CHRNA9: variants seen among roughly 807,000 people sequenced by gnomAD.
CHRNA9 encodes cholinergic receptor nicotinic alpha 9 subunit, also known as neuronal acetylcholine receptor subunit alpha-9.
A neutral mutation model predicts 36.8 loss-of-function variants in CHRNA9; 24 were observed. The ratio of observed to expected loss-of-function variants is 0.65; its 90% CI spans 0.47 to 0.92. The LOEUF is 0.92. Ranked by LOEUF, CHRNA9 falls within the 40% of genes least tolerant of loss-of-function variation. The pLI is 0.00. For missense variants in CHRNA9, 610 were observed against 601.2 expected (o/e 1.01, Z -0.15); for synonymous variants, 231 against 231.8 (o/e 1.00, Z 0.03).
In CHRNA9 at chr4:40,354,464, A is replaced by T. The variant is rs1301504546; in HGVS notation, c.1384A>T (p.Ile462Phe). 11 of 1,613,876 alleles carry T rather than the reference A, an allele frequency of 6.8e-6. No homozygotes were observed. Among genetic ancestry groups the T allele is most frequent in the Non-Finnish European group, 9.3e-6 (11 of 1,179,948 alleles). Residue 462 changes from isoleucine (I) to phenylalanine (F), a missense_variant, in exon 5 of 5, where the codon ATT (isoleucine) becomes TTT (phenylalanine). Transcript: ENST00000310169. ...AGTCATAGACCGATTCTTCATGTGG[A>T]TTTTTTTCATTATGGTGTTTGTGAT... is the stretch of plus-strand genomic sequence containing the variant. ...AKVIDRFFMWIFFIMVFVMTI... is the reference protein window; with the variant it reads ...AKVIDRFFMWFFFIMVFVMTI...
At chr4:40,339,871 T>A (rs1387465335) in intron 3 of CHRNA9, among the ~76,000 whole-genome samples, 2 of 152,036 alleles carry the variant, frequency 1.3e-5, no homozygotes, top group African/African-American at 4.8e-5. Context: ...CTCATCATGT[T>A]GCCCAGGCTG....
rs1204800615 is a variant in CHRNA9, at chr4:40,355,084, G to T, written c.*564G>T. The T allele has an allele frequency of 6.6e-6, 1 of 152,618 alleles. No homozygotes were observed. Among genetic ancestry groups the T allele is most frequent in the African/African-American group, 2.4e-5 (1 of 41,448 alleles). The allele number at this position is 152,618 out of a possible 1,614,324, so 9.5% of individuals were successfully genotyped here. ...GGAAAAGAACTTTCTTCATAATGGT[G>T]ATGTCGTATATGTTGGTTATGTTTT... On this transcript the variant is annotated 3_prime_UTR_variant, in exon 5 of 5. Transcript: ENST00000310169.
At chr4:40,340,564 T>C (rs1209052937) in intron 3 of CHRNA9, among the ~76,000 whole-genome samples, 1 of 152,146 alleles carries the variant, frequency 6.6e-6, no homozygotes. Flanking sequence ...TGATGCCAGA[T>C]ACAATATCAT....
chr4:40,349,057 A>T lies in CHRNA9; in HGVS notation c.541A>T (p.Asn181Tyr). 6.2e-7 allele frequency: 1 copy of T among 1,614,138 alleles called. No homozygotes were observed. The highest frequency in any genetic ancestry group is 8.5e-7 in the Non-Finnish European group (1 of 1,180,024). ...LTFGSWTYNG[N>Y]QVDIFNALDS... ...TTTTGGTTCCTGGACCTACAATGGC[A>T]ATCAGGTGGACATATTCAACGCCTT... is the stretch of plus-strand genomic sequence containing the variant. Residue 181 changes from asparagine (N) to tyrosine (Y), a missense_variant, in exon 4 of 5, where the codon AAT becomes TAT. By Grantham distance (143) the Asn-to-Tyr change is moderately radical. Coordinates refer to ENST00000310169, the MANE Select transcript of CHRNA9 (RefSeq NM_017581.4).
intron 3 of CHRNA9, among the ~76,000 whole-genome samples, chr4:40,345,912 C>T (rs1456757831): frequency 6.6e-6 from 1 of 152,154 alleles, no homozygotes; most frequent in Non-Finnish European, 1.5e-5. Flanking sequence ...GTAATCCCAG[C>T]TACTCAGGAG....
At chr4:40,341,371 A>C (rs1712497299) in intron 3 of CHRNA9, among the ~76,000 whole-genome samples, 1 of 151,462 alleles carries the variant, frequency 6.6e-6, no homozygotes, top group Non-Finnish European at 1.5e-5. Flanking sequence ...TGCAGCCTTG[A>C]CCTCCTGGAC....
Position 40,337,210 on chromosome 4 carries a change from G to C in CHRNA9, c.211G>C (p.Asp71His). ...AGCGACATCTGGATTCATTGTGTAGGATGAAAGAAACCAAATTCTGACTGC... is the reference window on the plus strand; with the variant it reads ...AGCGACATCTGGATTCATTGTGTAGCATGAAAGAAACCAAATTCTGACTGC... Reference protein sequence around the residue: ...QITLSQIKDMDERNQILTAYL... With the variant: ...QITLSQIKDMHERNQILTAYL... The change falls in exon 3 of 5, where the codon GAT becomes CAT. Residue 71 changes from aspartate to histidine, a missense_variant and splice_region_variant. Coordinates refer to ENST00000310169, the MANE Select transcript of CHRNA9 (RefSeq NM_017581.4). The C allele has an allele frequency of 6.2e-7, 1 of 1,614,112 alleles. No individual in the cohort carries two copies. Among genetic ancestry groups the C allele is most frequent in the Non-Finnish European group, 8.5e-7 (1 of 1,179,960 alleles).
chr4:40,353,984 T>C lies in CHRNA9; in HGVS notation c.904T>C (p.Tyr302His). The change falls in exon 5 of 5, where the codon TAC becomes CAC. Residue 302 changes from tyrosine to histidine, a missense_variant. Transcript: ENST00000310169. ...GGTTGTTATTTTAATTCCAGGTAAA[T>C]ACTACATAGCCACGATGGCCCTGAT... ...ASENVPLIGK[Y>H]YIATMALITA... 1 of 1,590,386 alleles carries C rather than the reference T, an allele frequency of 6.3e-7. No homozygotes were observed. The highest frequency in any genetic ancestry group is 8.6e-7 in the Non-Finnish European group (1 of 1,165,780).
chr4:40,338,508 G>A (rs746095635), intron 3 of CHRNA9, among the ~76,000 whole-genome samples: 1 of 152,184 alleles, frequency 6.6e-6, no homozygotes, highest in East Asian at 1.9e-4. Flanking sequence ...TTTCTGTGGA[G>A]TGGGAAGAGT....
At chr4:40,344,228 A>T (rs1712575447) in intron 3 of CHRNA9, among the ~76,000 whole-genome samples, 1 of 152,166 alleles carries the variant, frequency 6.6e-6, no homozygotes, top group African/African-American at 2.4e-5. Flanking sequence ...CACTAAATTT[A>T]TGTTGTTTTA....
At position 40,349,097 on chromosome 4, in the gene CHRNA9, T is replaced by G; in HGVS notation, c.581T>G (p.Leu194Arg). The G allele has an allele frequency of 6.2e-7, 1 of 1,614,126 alleles. No individual in the cohort carries two copies. Among genetic ancestry groups the G allele is most frequent in the East Asian group, 2.2e-5 (1 of 44,870 alleles). The change falls in exon 4 of 5, where the codon CTC becomes CGC. Residue 194 changes from leucine to arginine, a missense_variant. Coordinates refer to ENST00000310169, the MANE Select transcript of CHRNA9 (RefSeq NM_017581.4). ...TTCAACGCCTTGGACAGCGGAGATC[T>G]CTCTGACTTCATTGAAGATGTGGAA... ...DIFNALDSGD[L>R]SDFIEDVEWE... is the part of the protein sequence containing the mutation.
chr4:40,346,387 C>G (rs746763029), intron 3 of CHRNA9, among the ~76,000 whole-genome samples: 2 of 152,186 alleles, frequency 1.3e-5, no homozygotes, highest in Non-Finnish European at 2.9e-5. Flanking sequence ...TATGAACAGT[C>G]CCTTTCTTAA....
intron 3 of CHRNA9, 61 bp from the exon 4 acceptor site, chr4:40,348,821 G>A: frequency 1.3e-6 from 2 of 1,530,854 alleles, no homozygotes; most frequent in Non-Finnish European, 1.8e-6. Flanking sequence ...AGCTGTCTGG[G>A]GTAAGGAAGG....
At chr4:40,336,854 A>G (rs1479062504) in intron 2 of CHRNA9, among the ~76,000 whole-genome samples, 1 of 152,208 alleles carries the variant, frequency 6.6e-6, no homozygotes, top group Non-Finnish European at 1.5e-5. Context: ...TTAATTACAC[A>G]ATGTTATGAA....
chr4:40,341,988 A>G (rs1251381235), intron 3 of CHRNA9, among the ~76,000 whole-genome samples: 3 of 152,086 alleles, frequency 2.0e-5, no homozygotes, highest in Non-Finnish European at 4.4e-5. Flanking sequence ...GGCTCAAGCA[A>G]TCCTCCTGCC....
At chr4:40,350,727 C>CACACACACACACACACACACA (rs3219981) in intron 4 of CHRNA9, among the ~76,000 whole-genome samples, 1 of 149,386 alleles carries the variant, frequency 6.7e-6, no homozygotes, top group Admixed American at 6.7e-5. Flanking sequence ...CACACACACA[C>CACACACACACACACACACACA]CTCTCTTTTT....
chr4:40,353,692 T>C (rs2109691189), intron 4 of CHRNA9, among the ~76,000 whole-genome samples: 1 of 151,804 alleles, frequency 6.6e-6, no homozygotes. Flanking sequence ...GATACACAAA[T>C]ATTGACCGTT....
chr4:40,347,165 T>C (rs1362038976), intron 3 of CHRNA9, among the ~76,000 whole-genome samples: 6 of 152,158 alleles, frequency 3.9e-5, no homozygotes, highest in African/African-American at 1.4e-4. Context: ...TTTAGTTACA[T>C]GGATGAATTG....
chr4:40,346,021 G>A (rs938116984), intron 3 of CHRNA9, among the ~76,000 whole-genome samples: 9 of 145,634 alleles, frequency 6.2e-5, no homozygotes, highest in Admixed American at 3.4e-4. Context: ...GTGAGACTCC[G>A]TCTCAAACAA....
Sources: allele counts gnomAD v4.1 joint callset (sites outside exome capture counted in the v4.1 genomes callset), GRCh38; gene constraint gnomAD v4.1.1; transcripts MANE v1.5; gene names NCBI Gene and HGNC (gene_info 2026-07-23, HGNC 2026-07-21).